TCF7L2: variants seen among roughly 807,000 people sequenced by gnomAD.
TCF7L2 encodes the protein transcription factor 7 like 2.
Under a neutral mutation model 77.9 loss-of-function variants are expected in TCF7L2, and 23 were observed. The ratio of observed to expected loss-of-function variants is 0.30; its 90% CI spans 0.21 to 0.42. The LOEUF (loss-of-function observed/expected upper bound fraction) is 0.42. Among genes scored for constraint, TCF7L2 ranks in the 10% least tolerant of loss-of-function variants. TCF7L2 has a pLI of 1.00. For missense variants in TCF7L2, 654 were observed against 793.1 expected (o/e 0.82, Z 2.11); for synonymous variants, 413 against 340.2 (o/e 1.21, Z -2.36).
intron 3 of TCF7L2, among the ~76,000 whole-genome samples, chr10:112,963,824 T>G (rs1042672097): frequency 2.0e-5 from 3 of 152,212 alleles, no homozygotes; most frequent in African/African-American, 7.2e-5. Context: ...GGGGAGGGTC[T>G]GAGCCAATCA....
chr10:112,973,668 C>T (rs899106338), intron 4 of TCF7L2, among the ~76,000 whole-genome samples: 1 of 152,162 alleles, frequency 6.6e-6, no homozygotes, highest in Non-Finnish European at 1.5e-5. Context: ...CGGCTCACTG[C>T]AACCTCTGCC....
chr10:112,962,791 G>A lies in TCF7L2; in HGVS notation c.382-1765G>A, dbSNP rs112692009. Among the ~76,000 whole-genome samples the A allele has an allele frequency of 4.1e-3, 618 of 152,228 alleles. 5 individuals carry two copies. The highest frequency in any genetic ancestry group is 0.014 in the African/African-American group (592 of 41,520). Reference sequence around the variant, plus strand: ...TTTTTGTATTCTTGGTAGAGACGGGGTTTCACCATGTTGGCCAGGGTGGTC... The same window carrying A: ...TTTTTGTATTCTTGGTAGAGACGGGATTTCACCATGTTGGCCAGGGTGGTC... On this transcript the variant is annotated intron_variant, in intron 3 of 13. Transcript: ENST00000627217.
At chr10:113,130,585 G>T (rs960531624) in intron 5 of TCF7L2, among the ~76,000 whole-genome samples, 2 of 152,026 alleles carry the variant, frequency 1.3e-5, no homozygotes, top group African/African-American at 2.4e-5. Context: ...CTTGCTTGTG[G>T]TGTGTTTTGT....
At chr10:113,153,403 G>A (rs150455968) in intron 11 of TCF7L2, among the ~76,000 whole-genome samples, 136 of 152,316 alleles carry the variant, frequency 8.9e-4, no homozygotes, top group African/African-American at 3.1e-3. Context: ...TTGTCTTAAG[G>A]CCGGCACAGG....
intron 4 of TCF7L2, among the ~76,000 whole-genome samples, chr10:113,025,312 C>T (rs1395264416): frequency 6.7e-6 from 1 of 150,078 alleles, no homozygotes; most frequent in African/African-American, 2.5e-5. Context: ...GTTCTTGGCT[C>T]ACTGCAATCT....
In TCF7L2 at chr10:113,065,205, G is replaced by A. The variant is rs370924322; in HGVS notation, c.552+25079G>A. 1.2e-4 allele frequency among the ~76,000 whole-genome samples: 19 copies of A among 152,332 alleles called. No individual in the cohort carries two copies. The South Asian group carries it at 3.9e-3, about 32-fold the overall frequency. The stretch of plus-strand genomic sequence containing the variant: ...GCAAGGTGTTTAGTGTGGCCTATGA[G>A]GATGTTGTTTACCAGGCAGCAACCT... On this transcript the variant is annotated intron_variant, in intron 5 of 13. Coordinates refer to ENST00000627217, the MANE Select transcript of TCF7L2 (RefSeq NM_001146274.2).
intron 5 of TCF7L2, among the ~76,000 whole-genome samples, chr10:113,125,036 TA>T (rs1185892689): frequency 2.0e-5 from 3 of 152,134 alleles, no homozygotes; most frequent in Non-Finnish European, 4.4e-5. Flanking sequence ...TCATCCTGAA[TA>T]AAGTGAGAGA....
chr10:112,961,170 C>T lies in TCF7L2; in HGVS notation c.382-3386C>T, dbSNP rs192899652. 8.5e-3 allele frequency among the ~76,000 whole-genome samples: 1,270 copies of T among 149,572 alleles called. 14 individuals are homozygous for T. Among genetic ancestry groups the T allele is most frequent in the African/African-American group, 0.03 (1,189 of 39,870 alleles). On this transcript the variant is annotated intron_variant, in intron 3 of 13. Coordinates refer to ENST00000627217, the MANE Select transcript of TCF7L2 (RefSeq NM_001146274.2). Reference sequence around the variant, plus strand: ...CTGGGATTACAGGAATGCGCCACCACGCCCGGCTAATTTTTGTATTTTTTA... The same window carrying T: ...CTGGGATTACAGGAATGCGCCACCATGCCCGGCTAATTTTTGTATTTTTTA...
intron 5 of TCF7L2, among the ~76,000 whole-genome samples, chr10:113,080,129 CT>C (rs1165619933): frequency 6.6e-6 from 1 of 151,920 alleles, no homozygotes; most frequent in Admixed American, 6.6e-5. Flanking sequence ...GGTTTTCCCC[CT>C]TCTCACAAAA....
At chr10:113,058,670 A>C (rs2055837103) in intron 5 of TCF7L2, among the ~76,000 whole-genome samples, 1 of 151,834 alleles carries the variant, frequency 6.6e-6, no homozygotes, top group Non-Finnish European at 1.5e-5. Context: ...TTCCTTGTAA[A>C]AGTTCCAGGT....
intron 4 of TCF7L2, among the ~76,000 whole-genome samples, chr10:113,001,269 T>A (rs534857103): frequency 1.3e-5 from 2 of 152,322 alleles, no homozygotes; most frequent in Non-Finnish European, 2.9e-5. Context: ...GCTGTAGTGG[T>A]CCAACAAAGA....
At chr10:113,161,298 G>A in intron 13 of TCF7L2, 1 of 484,504 alleles carries the variant, frequency 2.1e-6, no homozygotes, top group South Asian at 2.7e-5. Context: ...CAAGCAGTGA[G>A]TCATGCAGTC....
At chr10:112,957,406 TA>T (rs1045957510) in intron 3 of TCF7L2, among the ~76,000 whole-genome samples, 1 of 151,840 alleles carries the variant, frequency 6.6e-6, no homozygotes, top group Non-Finnish European at 1.5e-5. Flanking sequence ...GAGAGTTGAC[TA>T]AAAGAATATA....
intron 4 of TCF7L2, among the ~76,000 whole-genome samples, chr10:113,014,825 A>T (rs1409488126): frequency 6.6e-6 from 1 of 151,988 alleles, no homozygotes; most frequent in Non-Finnish European, 1.5e-5. Context: ...CTAAAAGGAG[A>T]TTTCCTCCTT....
At chr10:113,076,514 A>G (rs1255105082) in intron 5 of TCF7L2, among the ~76,000 whole-genome samples, 1 of 152,160 alleles carries the variant, frequency 6.6e-6, no homozygotes. Context: ...GCTAATTATT[A>G]TTTGTTTTAA....
intron 11 of TCF7L2, among the ~76,000 whole-genome samples, chr10:113,153,173 CA>C (rs1252409008): frequency 2.6e-5 from 4 of 152,228 alleles, no homozygotes; most frequent in African/African-American, 9.6e-5. Flanking sequence ...TTACTAATTG[CA>C]GTGGTTGTGA....
intron 5 of TCF7L2, among the ~76,000 whole-genome samples, chr10:113,041,363 TCAAGATTTCAGGG>T (rs2052415103): frequency 6.6e-6 from 1 of 152,270 alleles, no homozygotes; most frequent in African/African-American, 2.4e-5. Flanking sequence ...TCCTATAAGG[TCAAGATTTCAGGG>T]CTGGAAGTGA....
At chr10:113,143,345 A>T (rs11595999) in intron 6 of TCF7L2, among the ~76,000 whole-genome samples, 5 of 152,112 alleles carry the variant, frequency 3.3e-5, no homozygotes, top group Non-Finnish European at 5.9e-5. Context: ...TTCAGCTCTG[A>T]CTCTGCCTTA....
At chr10:113,024,996 A>G (rs2048896533) in intron 4 of TCF7L2, among the ~76,000 whole-genome samples, 3 of 152,088 alleles carry the variant, frequency 2.0e-5, no homozygotes, top group Admixed American at 1.3e-4. Context: ...CTGCATTTTG[A>G]CTGTGACTCC....
Sources: gnomAD v4.1 joint callset for allele counts (sites outside exome capture counted in the v4.1 genomes callset) on GRCh38, gnomAD v4.1.1 for gene constraint, MANE v1.5 for transcripts, NCBI Gene and HGNC (gene_info 2026-07-23, HGNC 2026-07-21) for gene names.